Variants in MRRF observed in about 807,000 individuals in gnomAD.
MRRF encodes the protein mitochondrial ribosome recycling factor.
A neutral mutation model predicts 25.1 loss-of-function variants in MRRF; 18 were observed. That is an observed-to-expected ratio of 0.72 (90% CI 0.50 to 1.06). MRRF has a LOEUF of 1.06. Among genes scored for constraint, MRRF ranks in the 50% least tolerant of loss-of-function variants. MRRF has a pLI of 0.00. For synonymous variants in MRRF, 113 were observed against 112.1 expected, an observed-to-expected ratio of 1.01 and a Z score of -0.05; for missense variants, 323 against 319.3, an observed-to-expected ratio of 1.01 and a Z score of -0.09.
rs375528046 is a variant in MRRF, at chr9:122,290,679, C to T, written c.460-1070C>T. On this transcript the variant is annotated intron_variant, in intron 4 of 6. Coordinates refer to ENST00000344641, the MANE Select transcript of MRRF (RefSeq NM_138777.5). ...GAATCCAAGTGATGTGGATTGTCTC[C>T]GGTCAAGCCTAAAATTCTTTGAAAA... Among the ~76,000 whole-genome samples the T allele has an allele frequency of 5.9e-5, 9 of 152,268 alleles. No individual in the cohort carries two copies. In the East Asian group the frequency reaches 7.7e-4, roughly 13 times the overall value.
intron 5 of MRRF, among the ~76,000 whole-genome samples, chr9:122,306,488 C>G (rs1361408802): frequency 6.6e-6 from 1 of 152,126 alleles, no homozygotes; most frequent in African/African-American, 2.4e-5. Context: ...CCCAGGGCCA[C>G]AAAGCTAAAA....
In MRRF at chr9:122,330,261, G is replaced by A. The variant is rs1159915787; in HGVS notation, c.*7644G>A. ...GCTGGGTGGAAGCCCTGAAGAGGAA[G>A]GGAGAAGGTCTCTGCCCACATCCCA... On this transcript the variant is annotated 3_prime_UTR_variant, in exon 7 of 7. Coordinates refer to ENST00000344641, the MANE Select transcript of MRRF (RefSeq NM_138777.5). The surrounding 1 kb of genome is among the most constrained non-coding windows in gnomAD (Gnocchi z 4.2). 1.3e-5 allele frequency: 2 copies of A among 152,654 alleles called. No individual in the cohort carries two copies. The highest frequency in any genetic ancestry group is 2.9e-5 in the Non-Finnish European group (2 of 68,396). 9.5% of individuals were successfully genotyped at this position (152,654 alleles called of 1,614,324 possible).
intron 6 of MRRF, among the ~76,000 whole-genome samples, chr9:122,320,448 AGAG>A (rs1835827733): frequency 6.6e-6 from 1 of 152,148 alleles, no homozygotes; most frequent in Non-Finnish European, 1.5e-5. Flanking sequence ...CCATTTTTCC[AGAG>A]GAGGCTTTTA....
intron 5 of MRRF, among the ~76,000 whole-genome samples, chr9:122,312,359 TC>T (rs1835256213): frequency 6.6e-6 from 1 of 152,342 alleles, no homozygotes; most frequent in African/African-American, 2.4e-5. Flanking sequence ...AATAGCTGAA[TC>T]CAAAAGGATT....
At chr9:122,307,813 C>A (rs2118925237) in intron 5 of MRRF, among the ~76,000 whole-genome samples, 1 of 152,290 alleles carries the variant, frequency 6.6e-6, no homozygotes, top group East Asian at 1.9e-4. Context: ...TTAAAGCCCC[C>A]TTCAAGTGTC....
At chr9:122,315,336 A>C (rs1835447273) in intron 6 of MRRF, among the ~76,000 whole-genome samples, 2 of 152,204 alleles carry the variant, frequency 1.3e-5, no homozygotes, top group South Asian at 4.1e-4. Context: ...GTGTAAAAGC[A>C]CACATAGAAG....
chr9:122,310,288 GAAGT>G (rs1313436186), intron 5 of MRRF, among the ~76,000 whole-genome samples: 1 of 152,200 alleles, frequency 6.6e-6, no homozygotes, highest in African/African-American at 2.4e-5. Context: ...CTCATCAACT[GAAGT>G]AGTCTCTTTT....
At chr9:122,270,193 A>G (rs1564468485) in intron 1 of MRRF, among the ~76,000 whole-genome samples, 1 of 152,212 alleles carries the variant, frequency 6.6e-6, no homozygotes, top group Non-Finnish European at 1.5e-5. Context: ...GCTGTGTTCT[A>G]TCCTGAGGTA....
intron 5 of MRRF, among the ~76,000 whole-genome samples, chr9:122,303,235 G>A (rs1036586092): frequency 6.6e-6 from 1 of 151,294 alleles, no homozygotes; most frequent in African/African-American, 2.4e-5. Context: ...ACCATTGTCA[G>A]TATATCCTTC....
rs569046298 is a variant in MRRF at position 122,285,140 on chromosome 9, A to G, written c.341-29A>G. 1.0e-5 allele frequency: 15 copies of G among 1,451,064 alleles called. No individual in the cohort carries two copies. The African/African-American group carries it at 2.0e-4, about 19-fold the overall frequency. 89.9% of individuals were successfully genotyped at this position (1,451,064 alleles called of 1,614,324 possible). On this transcript the variant is annotated intron_variant, in intron 3 of 6. Coordinates refer to ENST00000344641, the MANE Select transcript of MRRF (RefSeq NM_138777.5). Reference sequence around the variant, plus strand: ...TTTGGGGCTACTAAGGTTCTTTGGAATTCTAAAACTCTGTAATTTTTCTTT... The same window carrying G: ...TTTGGGGCTACTAAGGTTCTTTGGAGTTCTAAAACTCTGTAATTTTTCTTT...
At chr9:122,307,650 C>T (rs563433599) in intron 5 of MRRF, among the ~76,000 whole-genome samples, 4 of 152,208 alleles carry the variant, frequency 2.6e-5, no homozygotes, top group Non-Finnish European at 5.9e-5. Flanking sequence ...CTCCCTTCCA[C>T]CCTCTTTGTA....
chr9:122,317,911 G>A (rs1835637912), intron 6 of MRRF, among the ~76,000 whole-genome samples: 1 of 152,162 alleles, frequency 6.6e-6, no homozygotes, highest in South Asian at 2.1e-4. Flanking sequence ...GTCCAGGCAG[G>A]TAGTTCACAA....
intron 5 of MRRF, among the ~76,000 whole-genome samples, chr9:122,293,238 A>G (rs1833886002): frequency 6.6e-6 from 1 of 152,212 alleles, no homozygotes; most frequent in Non-Finnish European, 1.5e-5. Context: ...AATGGAGTTG[A>G]ACACTAGTTG....
chr9:122,306,814 C>T (rs1321563887), intron 5 of MRRF, among the ~76,000 whole-genome samples: 2 of 152,120 alleles, frequency 1.3e-5, no homozygotes, highest in African/African-American at 4.8e-5. Context: ...GCTGTGACCC[C>T]GACCTTAACC....
intron 6 of MRRF, among the ~76,000 whole-genome samples, chr9:122,318,572 T>C (rs1183925690): frequency 6.6e-6 from 1 of 152,244 alleles, no homozygotes; most frequent in South Asian, 2.1e-4. Flanking sequence ...GAAGGATGGC[T>C]GGTAGGCGGG....
chr9:122,313,318 T>TC lies in MRRF; in HGVS notation c.644dup (p.Met216AsnfsTer17), dbSNP rs774385418. The TC allele has an allele frequency of 4.3e-6, 7 of 1,613,976 alleles. No homozygotes were observed. The highest frequency in any genetic ancestry group is 5.9e-6 in the Non-Finnish European group (7 of 1,179,958). On this transcript the variant is annotated frameshift_variant, in exon 6 of 7. Coordinates refer to ENST00000344641, the MANE Select transcript of MRRF (RefSeq NM_138777.5). LOFTEE classifies it high-confidence loss of function. ...CTCTTTACGGAAGGTTCGCACCAAC[T>TC]CAATGAACAAGCTGAAGAAATCCAA...
In MRRF at chr9:122,286,251, C is replaced by G. The variant is rs558463848; in HGVS notation, c.459+964C>G. The G allele has an allele frequency of 1.8e-4, 222 of 1,242,982 alleles. 1 individual carries two copies. In the African/African-American group the frequency reaches 3.3e-3, roughly 18 times the overall value. The allele number at this position is 1,242,982 out of a possible 1,614,324, so 77.0% of individuals were successfully genotyped here. A position where few individuals can be genotyped will look rare whatever the true frequency, so the allele number is the denominator to read the frequency against. ...CCAAGGTTGGACCTGTTGTATTTGACAAACTAGGCTAGAGATAGGAGAAAG... is the reference window on the plus strand; with the variant it reads ...CCAAGGTTGGACCTGTTGTATTTGAGAAACTAGGCTAGAGATAGGAGAAAG... On this transcript the variant is annotated intron_variant, in intron 4 of 6. Transcript: ENST00000344641.
intron 5 of MRRF, among the ~76,000 whole-genome samples, chr9:122,300,151 A>G (rs916315480): frequency 2.0e-5 from 3 of 152,248 alleles, no homozygotes; most frequent in African/African-American, 7.2e-5. Context: ...TTGCCCCTAC[A>G]GCAGCCCCAT....
chr9:122,311,831 C>T (rs1835223159), intron 5 of MRRF, among the ~76,000 whole-genome samples: 4 of 151,946 alleles, frequency 2.6e-5, no homozygotes, highest in Admixed American at 2.6e-4. Flanking sequence ...ATTTTCTGCC[C>T]CTCTTAGTAT....
Sources: gnomAD v4.1 joint callset for allele counts (sites outside exome capture counted in the v4.1 genomes callset) on GRCh38, gnomAD v4.1.1 for gene constraint, Gnocchi (gnomAD v3.1) non-coding constraint, MANE v1.5 for transcripts, NCBI Gene and HGNC (gene_info 2026-07-23, HGNC 2026-07-21) for gene names.